CACNA1B: variants seen among roughly 807,000 people sequenced by gnomAD.
CACNA1B encodes the protein calcium voltage-gated channel subunit alpha1 B.
CACNA1B carries 70 observed loss-of-function variants against 247.2 expected under a neutral mutation model. That is an observed-to-expected ratio of 0.28 (90% confidence interval 0.23 to 0.35). The LOEUF (loss-of-function observed/expected upper bound fraction) is 0.35, where lower values mean the gene tolerates loss of function less well. CACNA1B is among the 10% of genes least tolerant of loss of function. The pLI is 1.00. For synonymous variants in CACNA1B, 1,231 were observed against 1,294.4 expected (o/e 0.95, Z 1.05); for missense variants, 2,367 against 3,197.4 (o/e 0.74, Z 6.26).
chr9:137,878,934 C>A, intron 1 of CACNA1B, 120 bp from the exon 2 acceptor site: 1 of 629,826 alleles, frequency 1.6e-6, no homozygotes, highest in Non-Finnish European at 2.8e-6. Flanking sequence ...GGGCTCCGGA[C>A]CCAGTTGTCT....
intron 20 of CACNA1B, among the ~76,000 whole-genome samples, chr9:138,039,174 C>T (rs933007249): frequency 6.0e-5 from 9 of 149,388 alleles, no homozygotes; most frequent in East Asian, 5.9e-4. Context: ...CCAGCCTGGG[C>T]GATAGGGCAA....
At chr9:137,883,069 C>T in intron 3 of CACNA1B, 186 bp downstream of exon 3, 4 of 647,250 alleles carry the variant, frequency 6.2e-6, no homozygotes, top group Non-Finnish European at 1.1e-5. Flanking sequence ...GTGCTTCTCC[C>T]AGGGGTGCCA....
At position 138,074,343 on chromosome 9, in the gene CACNA1B, C is replaced by T. The variant is rs6559265; in HGVS notation, c.4857+277C>T. ...GCAACCTCTGCCTGCTAGGTTCAAG[C>T]GATTCTCCTGCTTCAGCCTCCCAAG... On this transcript the variant is annotated intron_variant, in intron 34 of 46. Transcript: ENST00000371372. 0.38 allele frequency among the ~76,000 whole-genome samples: 57,771 copies of T among 151,582 alleles called. 15,721 individuals carry two copies. The highest frequency in any genetic ancestry group is 0.76 in the African/African-American group (31,196 of 41,254).
intron 44 of CACNA1B, among the ~76,000 whole-genome samples, chr9:138,119,592 C>T (rs1480880948): frequency 6.6e-6 from 1 of 152,204 alleles, no homozygotes; most frequent in African/African-American, 2.4e-5. Flanking sequence ...CACTGCCTCT[C>T]CTCCCTCTTA....
At chr9:138,116,791 G>A (rs1364213650) in intron 42 of CACNA1B, among the ~76,000 whole-genome samples, 10 of 152,316 alleles carry the variant, frequency 6.6e-5, no homozygotes, top group African/African-American at 1.9e-4. Context: ...AGCCAGCTCC[G>A]GTTCTCCTAA....
At chr9:138,079,467 G>A (rs1960441978) in intron 36 of CACNA1B, among the ~76,000 whole-genome samples, 2 of 152,132 alleles carry the variant, frequency 1.3e-5, no homozygotes, top group South Asian at 2.1e-4. Context: ...ACTGGGCCGG[G>A]CGTGGTGGCT....
chr9:138,051,282 C>T lies in CACNA1B; in HGVS notation c.3711-810C>T, dbSNP rs191823975. ...GGTAGAGGCAGCTGCCTGGGTCTGT[C>T]CTGGCTTTTTCTTGGAGGGGCCCTG... On this transcript the variant is annotated intron_variant, in intron 24 of 46. Coordinates refer to ENST00000371372, the MANE Select transcript of CACNA1B (RefSeq NM_000718.4). This position sits in a 1 kb window ranked among gnomAD's most constrained non-coding sequence, Gnocchi z 4.3. Among the ~76,000 whole-genome samples, 7 of 152,072 alleles carry T rather than the reference C, an allele frequency of 4.6e-5. No homozygotes were observed. Among genetic ancestry groups the T allele is most frequent in the Non-Finnish European group, 8.8e-5 (6 of 67,996 alleles).
At chr9:137,927,025 T>A (rs1304307890) in intron 6 of CACNA1B, among the ~76,000 whole-genome samples, 1 of 152,212 alleles carries the variant, frequency 6.6e-6, no homozygotes, top group Non-Finnish European at 1.5e-5. Flanking sequence ...GCACAACATT[T>A]TAAAATTTTC....
intron 10 of CACNA1B, among the ~76,000 whole-genome samples, chr9:137,965,255 TG>T (rs1238878393): frequency 6.6e-6 from 1 of 152,254 alleles, no homozygotes; most frequent in Non-Finnish European, 1.5e-5. Context: ...CTTCGTTCCC[TG>T]ATCAGTTTGA....
chr9:138,034,627 A>G (rs1959021896), intron 20 of CACNA1B, among the ~76,000 whole-genome samples: 1 of 152,104 alleles, frequency 6.6e-6, no homozygotes, highest in African/African-American at 2.4e-5. Context: ...TGGGTTCACT[A>G]GTACCAAATC....
chr9:137,952,602 C>T lies in CACNA1B; in HGVS notation c.1070+225C>T, dbSNP rs375527745. ...ATCCCTGTCATACCCCTGGCCTTTC[C>T]GTGGTCTCTGCCATGGGAGAGTAGC... On this transcript the variant is annotated intron_variant, in intron 7 of 46. Coordinates refer to ENST00000371372, the MANE Select transcript of CACNA1B (RefSeq NM_000718.4). The surrounding 1 kb of genome is among the most constrained non-coding windows in gnomAD (Gnocchi z 4.8). 4.6e-5 allele frequency among the ~76,000 whole-genome samples: 7 copies of T among 152,210 alleles called. No individual in the cohort carries two copies. The highest frequency in any genetic ancestry group is 6.5e-5 in the Admixed American group (1 of 15,292).
chr9:138,070,042 G>C (rs1960066984), intron 32 of CACNA1B, among the ~76,000 whole-genome samples: 1 of 152,228 alleles, frequency 6.6e-6, no homozygotes, highest in African/African-American at 2.4e-5. Context: ...GGGGTTTCTG[G>C]AGTGGGTAAG....
At chr9:138,015,095 C>G (rs1335296628) in intron 18 of CACNA1B, among the ~76,000 whole-genome samples, 2 of 152,136 alleles carry the variant, frequency 1.3e-5, no homozygotes, top group African/African-American at 4.8e-5. Flanking sequence ...CACGGTGGGT[C>G]TGGAGCCAGG....
At position 138,013,113 on chromosome 9, in the gene CACNA1B, C is replaced by T; in HGVS notation, c.2161-16C>T. 3 of 1,598,982 alleles carry T rather than the reference C, an allele frequency of 1.9e-6. No homozygotes were observed. The highest frequency in any genetic ancestry group is 1.7e-6 in the Non-Finnish European group (2 of 1,166,624). ...ACACTGTGAGGGGAACTGGACATTT[C>T]TCTTTGCTCAAACAGGATGAAGAGG... is the stretch of plus-strand genomic sequence containing the variant. On this transcript the variant is annotated splice_polypyrimidine_tract_variant and intron_variant, in intron 17 of 46. Transcript: ENST00000371372.
At chr9:137,951,633 T>C (rs1957878823) in intron 6 of CACNA1B, among the ~76,000 whole-genome samples, 1 of 152,090 alleles carries the variant, frequency 6.6e-6, no homozygotes, top group Non-Finnish European at 1.5e-5. Flanking sequence ...GGAATCAAAT[T>C]GGGTTCAAAG....
rs201927774 is a variant in CACNA1B, at chr9:138,121,902, G to A, written c.6923G>A (p.Arg2308His). 11 of 1,611,942 alleles carry A rather than the reference G, an allele frequency of 6.8e-6. No homozygotes were observed. Among genetic ancestry groups the A allele is most frequent in the African/African-American group, 2.7e-5 (2 of 74,914 alleles). ...CTGACCTCCCAGTCTCACCCTCTCC[G>A]CCGCGTGCCCAACGGTTACCACTGC... ...SSLTSQSHPL[R>H]RVPNGYHCTL... The change falls in exon 47 of 47, where the codon CGC (arginine) becomes CAC (histidine). Residue 2308 changes from arginine to histidine, a missense_variant. Around this residue, in one of 12 missense-constraint regions of CACNA1B, gnomAD observed 773 missense variants for 779.4 expected, o/e 0.99. Transcript: ENST00000371372. This position sits in a 1 kb window ranked among gnomAD's most constrained non-coding sequence, Gnocchi z 6.8.
At chr9:137,968,370 T>C (rs1190662677) in intron 10 of CACNA1B, among the ~76,000 whole-genome samples, 1 of 152,224 alleles carries the variant, frequency 6.6e-6, no homozygotes, top group Non-Finnish European at 1.5e-5. Context: ...CCTTGTCAGC[T>C]GGTTGAGCCC....
At position 138,121,907 on chromosome 9, in the gene CACNA1B, G is replaced by T; in HGVS notation, c.6928G>T (p.Val2310Leu). The change falls in exon 47 of 47, where the codon GTG becomes TTG. Residue 2310 changes from valine (V) to leucine (L), a missense_variant. Coordinates refer to ENST00000371372, the MANE Select transcript of CACNA1B (RefSeq NM_000718.4). The surrounding 1 kb of genome is among the most constrained non-coding windows in gnomAD (Gnocchi z 6.8). The stretch of plus-strand genomic sequence containing the variant: ...CTCCCAGTCTCACCCTCTCCGCCGC[G>T]TGCCCAACGGTTACCACTGCACCCT... ...LTSQSHPLRR[V>L]PNGYHCTLGL... 6.2e-7 allele frequency: 1 copy of T among 1,611,588 alleles called. No homozygotes were observed. The highest frequency in any genetic ancestry group is 8.5e-7 in the Non-Finnish European group (1 of 1,179,844).
chr9:137,951,490 G>A (rs748963430), intron 6 of CACNA1B, among the ~76,000 whole-genome samples: 1 of 152,212 alleles, frequency 6.6e-6, no homozygotes, highest in Non-Finnish European at 1.5e-5. Context: ...GTCCAGGAAC[G>A]GGACTAGGGG....
Sources: allele counts gnomAD v4.1 joint callset (sites outside exome capture counted in the v4.1 genomes callset), GRCh38; gene constraint gnomAD v4.1.1; regional missense constraint gnomAD v4.1.1; non-coding constraint Gnocchi (gnomAD v3.1); transcripts MANE v1.5; gene names NCBI Gene and HGNC (gene_info 2026-07-23, HGNC 2026-07-21).